STK39: variants seen among roughly 807,000 people sequenced by gnomAD.
STK39 encodes the protein serine/threonine kinase 39.
STK39 carries 20 observed loss-of-function variants against 77.8 expected under a neutral mutation model. The ratio of observed to expected loss-of-function variants is 0.26; its 90% CI spans 0.18 to 0.37. STK39 has a LOEUF of 0.37. Among genes scored for constraint, STK39 ranks in the 10% least tolerant of loss-of-function variants. STK39 has a pLI of 1.00. For missense variants in STK39, 479 were observed against 656.5 expected (o/e 0.73, Z 2.95); for synonymous variants, 246 against 234.1 (o/e 1.05, Z -0.47).
chr2:168,088,903 C>T (rs1346674023), intron 10 of STK39, among the ~76,000 whole-genome samples: 1 of 152,140 alleles, frequency 6.6e-6, no homozygotes, highest in African/African-American at 2.4e-5. Flanking sequence ...ATAAAAGGAT[C>T]AAAAATCACC....
chr2:167,994,377 C>G (rs984640722), intron 16 of STK39, among the ~76,000 whole-genome samples: 4 of 152,112 alleles, frequency 2.6e-5, no homozygotes, highest in African/African-American at 9.7e-5. Flanking sequence ...TATGTATATA[C>G]AATGCTACAA....
At chr2:168,091,146 AGGTG>A (rs1686511321) in intron 10 of STK39, among the ~76,000 whole-genome samples, 1 of 101,630 alleles carries the variant, frequency 9.8e-6, no homozygotes, top group Admixed American at 1.3e-4. Context: ...AAACACAAAC[AGGTG>A]CACACACACA....
At chr2:168,220,777 C>T (rs550839795) in intron 1 of STK39, among the ~76,000 whole-genome samples, 4 of 152,274 alleles carry the variant, frequency 2.6e-5, no homozygotes, top group East Asian at 1.9e-4. Context: ...AAAGATAATA[C>T]AATTGAACAT....
chr2:168,233,551 T>C (rs1381016252), intron 1 of STK39, among the ~76,000 whole-genome samples: 1 of 152,248 alleles, frequency 6.6e-6, no homozygotes, highest in Non-Finnish European at 1.5e-5. Flanking sequence ...AATGATGTTT[T>C]ACTTGCTTTG....
intron 14 of STK39, among the ~76,000 whole-genome samples, chr2:168,038,771 A>G (rs1454131629): frequency 6.6e-6 from 1 of 152,220 alleles, no homozygotes; most frequent in African/African-American, 2.4e-5. Flanking sequence ...AACAGAAGAC[A>G]TACATGGCTA....
At chr2:168,224,442 T>C (rs576696906) in intron 1 of STK39, among the ~76,000 whole-genome samples, 1 of 152,172 alleles carries the variant, frequency 6.6e-6, no homozygotes, top group East Asian at 1.9e-4. Flanking sequence ...AAAATAACAG[T>C]AGGAAAATTC....
intron 2 of STK39, among the ~76,000 whole-genome samples, chr2:168,175,088 C>G (rs1252228881): frequency 6.6e-6 from 1 of 152,114 alleles, no homozygotes. Flanking sequence ...CCTCTTAATA[C>G]TCTCCAACCT....
intron 14 of STK39, among the ~76,000 whole-genome samples, chr2:168,061,028 A>T (rs1371559018): frequency 6.6e-6 from 1 of 152,252 alleles, no homozygotes; most frequent in Non-Finnish European, 1.5e-5. Flanking sequence ...CACAGTGGAC[A>T]AGAAATTCAT....
Position 168,237,044 on chromosome 2 carries a change from C to G in STK39, c.208+10184G>C, listed in dbSNP as rs527682772. Reference sequence around the variant, plus strand: ...CTATAAATTACTTTGGGCAGTATGGCCATTTTCACGATATTGATTCTTCCT... The same window carrying G: ...CTATAAATTACTTTGGGCAGTATGGGCATTTTCACGATATTGATTCTTCCT... On this transcript the variant is annotated intron_variant, in intron 1 of 17. Coordinates refer to ENST00000355999, the MANE Select transcript of STK39 (RefSeq NM_013233.3). Among the ~76,000 whole-genome samples the G allele has an allele frequency of 5.1e-4, 77 of 152,134 alleles. 1 individual carries two copies. Among genetic ancestry groups the G allele is most frequent in the African/African-American group, 1.8e-3 (76 of 41,516 alleles).
chr2:168,041,662 G>C (rs2105352941), intron 14 of STK39, among the ~76,000 whole-genome samples: 1 of 152,244 alleles, frequency 6.6e-6, no homozygotes, highest in South Asian at 2.1e-4. Context: ...TACTTTAGAT[G>C]GTGGTCAGAA....
chr2:168,081,769 G>A (rs1686238266), intron 10 of STK39, among the ~76,000 whole-genome samples: 2 of 152,022 alleles, frequency 1.3e-5, no homozygotes, highest in Admixed American at 1.3e-4. Flanking sequence ...TTGAATTATG[G>A]GGACAAGTCT....
At chr2:168,128,984 T>G (rs1278496167) in intron 10 of STK39, among the ~76,000 whole-genome samples, 1 of 152,004 alleles carries the variant, frequency 6.6e-6, no homozygotes. Flanking sequence ...GAAAAATACA[T>G]AAATAAATAA....
At chr2:168,057,205 T>A (rs1685548035) in intron 14 of STK39, among the ~76,000 whole-genome samples, 1 of 151,570 alleles carries the variant, frequency 6.6e-6, no homozygotes, top group Admixed American at 6.5e-5. Context: ...ATTTACTTAC[T>A]TTTTTGAGAC....
At chr2:168,147,180 TC>T (rs1381385677) in intron 5 of STK39, among the ~76,000 whole-genome samples, 1 of 152,236 alleles carries the variant, frequency 6.6e-6, no homozygotes, top group African/African-American at 2.4e-5. Context: ...CACTGGTTAA[TC>T]CTAAATGTCA....
intron 14 of STK39, among the ~76,000 whole-genome samples, chr2:168,046,812 A>G (rs1207553728): frequency 2.0e-5 from 3 of 152,250 alleles, no homozygotes; most frequent in African/African-American, 7.2e-5. Context: ...GTGAAACTGC[A>G]TAATAAATGG....
intron 3 of STK39, among the ~76,000 whole-genome samples, chr2:168,165,027 T>C (rs1409756414): frequency 6.6e-6 from 1 of 152,034 alleles, no homozygotes; most frequent in East Asian, 1.9e-4. Flanking sequence ...TTCAATGTAA[T>C]GAAATAGAAG....
intron 13 of STK39, among the ~76,000 whole-genome samples, chr2:168,064,462 C>T (rs918053317): frequency 2.6e-5 from 4 of 152,170 alleles, no homozygotes; most frequent in Non-Finnish European, 5.9e-5. Context: ...GGGGGAGCCA[C>T]TTCACCTCTG....
chr2:168,227,277 T>C (rs903813900), intron 1 of STK39, among the ~76,000 whole-genome samples: 6 of 152,216 alleles, frequency 3.9e-5, no homozygotes, highest in Non-Finnish European at 7.3e-5. Context: ...TTGGGAGTTA[T>C]TTTCATCTAC....
chr2:168,054,686 C>CG (rs5836166), intron 14 of STK39, among the ~76,000 whole-genome samples: 149,608 of 152,146 alleles, frequency 0.98, 73,581 homozygotes, highest in Middle Eastern at 1. Flanking sequence ...TAAGTTAAGA[C>CG]GGTAAACCCC....
Sources: allele counts gnomAD v4.1 joint callset (sites outside exome capture counted in the v4.1 genomes callset), GRCh38; gene constraint gnomAD v4.1.1; transcripts MANE v1.5; gene names NCBI Gene and HGNC (gene_info 2026-07-23, HGNC 2026-07-21).